Variants in PTDSS1 observed in about 807,000 individuals in gnomAD.
PTDSS1 encodes the protein phosphatidylserine synthase 1.
A neutral mutation model predicts 70.5 loss-of-function variants in PTDSS1; 45 were observed. The ratio of observed to expected loss-of-function variants is 0.64; its 90% confidence interval spans 0.50 to 0.82. The LOEUF is 0.82. Ranked by LOEUF, PTDSS1 falls within the 40% of genes least tolerant of loss-of-function variation. PTDSS1 has a pLI of 0.00. For missense variants in PTDSS1, 417 were observed against 586.1 expected (o/e 0.71, Z 2.98); for synonymous variants, 188 against 203.8 (o/e 0.92, Z 0.66).
At position 96,286,753 on chromosome 8, in the gene PTDSS1, G is replaced by A. The variant is rs143946088; in HGVS notation, c.317-269G>A. 9.5e-4 allele frequency among the ~76,000 whole-genome samples: 144 copies of A among 152,144 alleles called. 3 individuals are homozygous for A. In the East Asian group the frequency reaches 0.026, roughly 27 times the overall value. On this transcript the variant is annotated intron_variant, in intron 3 of 12. Coordinates refer to ENST00000517309, the MANE Select transcript of PTDSS1 (RefSeq NM_014754.3). Reference sequence around the variant, plus strand: ...TGCGTGCAATCCTCACACCCACCCCGCACACCCTTTGCCTCATGATCCTTC... The same window carrying A: ...TGCGTGCAATCCTCACACCCACCCCACACACCCTTTGCCTCATGATCCTTC...
intron 9 of PTDSS1, among the ~76,000 whole-genome samples, chr8:96,316,155 T>G (rs566552971): frequency 7.9e-5 from 12 of 152,294 alleles, no homozygotes; most frequent in African/African-American, 2.6e-4. Flanking sequence ...TTCCTACCAC[T>G]TCTCACCATC....
intron 4 of PTDSS1, chr8:96,287,393 T>C (rs1810839710): frequency 4.3e-6 from 2 of 461,550 alleles, no homozygotes; most frequent in Non-Finnish European, 7.6e-6. Context: ...TCAGACAGCC[T>C]TGGGTGTGAA....
chr8:96,275,094 A>G (rs1180109261), intron 2 of PTDSS1, among the ~76,000 whole-genome samples: 1 of 152,134 alleles, frequency 6.6e-6, no homozygotes, highest in Non-Finnish European at 1.5e-5. Context: ...TGTGCATAAT[A>G]TGGGTAAGTC....
At chr8:96,329,332 TG>T (rs1811480766) in intron 10 of PTDSS1, among the ~76,000 whole-genome samples, 1 of 129,352 alleles carries the variant, frequency 7.7e-6, no homozygotes, top group Admixed American at 8.0e-5. Flanking sequence ...TTGCTTGCAG[TG>T]GGGAAGGTGT....
intron 9 of PTDSS1, among the ~76,000 whole-genome samples, chr8:96,317,773 A>G (rs536432271): frequency 6.6e-6 from 1 of 152,164 alleles, no homozygotes; most frequent in East Asian, 1.9e-4. Flanking sequence ...ACTTTAGGTC[A>G]TTATGAAGCC....
At chr8:96,307,380 C>T (rs1811139814) in intron 8 of PTDSS1, among the ~76,000 whole-genome samples, 1 of 132,292 alleles carries the variant, frequency 7.6e-6, no homozygotes, top group South Asian at 2.4e-4. Context: ...TTGCCAAGGA[C>T]AGTAGATCTA....
intron 9 of PTDSS1, among the ~76,000 whole-genome samples, chr8:96,311,007 C>G (rs1339254675): frequency 6.6e-6 from 1 of 152,098 alleles, no homozygotes; most frequent in African/African-American, 2.4e-5. Flanking sequence ...CCTCGTGATC[C>G]ACCCACCTTC....
chr8:96,309,305 C>T (rs1811172238), intron 8 of PTDSS1: 2 of 358,022 alleles, frequency 5.6e-6, no homozygotes, highest in African/African-American at 4.2e-5. Context: ...TGTAAACACC[C>T]CGGCACTCAG....
chr8:96,275,313 A>G (rs921015401), intron 2 of PTDSS1, among the ~76,000 whole-genome samples: 1 of 152,000 alleles, frequency 6.6e-6, no homozygotes, highest in African/African-American at 2.4e-5. Context: ...ACATCACCAC[A>G]CCCAGCTAAT....
chr8:96,296,277 T>C (rs560564286), intron 5 of PTDSS1, among the ~76,000 whole-genome samples: 1 of 151,048 alleles, frequency 6.6e-6, no homozygotes, highest in East Asian at 2.0e-4. Context: ...TAGCTGGAAC[T>C]ACAGGCGTGT....
chr8:96,264,194 T>C (rs1458470679), intron 1 of PTDSS1, among the ~76,000 whole-genome samples: 1 of 152,232 alleles, frequency 6.6e-6, no homozygotes, highest in Admixed American at 6.5e-5. Flanking sequence ...TTAATAGCTG[T>C]GTGGCCACAT....
In PTDSS1 at chr8:96,316,931, T is replaced by C. The variant is rs1183560441; in HGVS notation, c.1074-3315T>C. 2.6e-5 allele frequency among the ~76,000 whole-genome samples: 4 copies of C among 151,932 alleles called. No individual in the cohort carries two copies. In the South Asian group the frequency reaches 8.3e-4, roughly 32 times the overall value. On this transcript the variant is annotated intron_variant, in intron 9 of 12. Coordinates refer to ENST00000517309, the MANE Select transcript of PTDSS1 (RefSeq NM_014754.3). ...ATCACTTGAACCCAGGAGGTAGAGG[T>C]TGCAGTGAGCTGAGATTGCACCACT... is the stretch of plus-strand genomic sequence containing the variant.
intron 9 of PTDSS1, among the ~76,000 whole-genome samples, chr8:96,313,802 A>G (rs1811246203): frequency 6.6e-6 from 1 of 152,178 alleles, no homozygotes; most frequent in South Asian, 2.1e-4. Flanking sequence ...CTGCTCTCCA[A>G]GGTCAGCTCC....
chr8:96,295,033 C>A, intron 4 of PTDSS1, 65 bp from the exon 5 acceptor site: 2 of 1,449,182 alleles, frequency 1.4e-6, no homozygotes, highest in African/African-American at 1.4e-5. Flanking sequence ...TATTTACCGG[C>A]AGAATCCTGG....
intron 2 of PTDSS1, among the ~76,000 whole-genome samples, chr8:96,276,968 G>GCACACACA (rs1810653140): frequency 2.7e-5 from 3 of 111,724 alleles, no homozygotes; most frequent in African/African-American, 1.1e-4. Context: ...ACATACACGC[G>GCACACACA]CGCACGCGCG....
intron 2 of PTDSS1, among the ~76,000 whole-genome samples, chr8:96,281,636 C>T (rs886240567): frequency 6.6e-6 from 1 of 152,160 alleles, no homozygotes; most frequent in African/African-American, 2.4e-5. Flanking sequence ...ACACTCCTAG[C>T]TTGTTTCTTT....
chr8:96,296,298 C>G (rs1305080918), intron 5 of PTDSS1, among the ~76,000 whole-genome samples: 1 of 152,082 alleles, frequency 6.6e-6, no homozygotes, highest in East Asian at 1.9e-4. Flanking sequence ...GCCACCACGC[C>G]CAGCTAATTT....
At chr8:96,315,624 C>CG (rs1303587229) in intron 9 of PTDSS1, among the ~76,000 whole-genome samples, 1 of 152,110 alleles carries the variant, frequency 6.6e-6, no homozygotes, top group Non-Finnish European at 1.5e-5. Context: ...CTCCACAAGT[C>CG]GGGGGTGCTG....
At chr8:96,275,636 G>A (rs770956827) in intron 2 of PTDSS1, among the ~76,000 whole-genome samples, 8 of 152,254 alleles carry the variant, frequency 5.3e-5, no homozygotes, top group Middle Eastern at 3.4e-3. Flanking sequence ...AGCTCTTTCT[G>A]TACAAAGGTG....
Sources: allele counts gnomAD v4.1 joint callset (sites outside exome capture counted in the v4.1 genomes callset), GRCh38; gene constraint gnomAD v4.1.1; transcripts MANE v1.5; gene names NCBI Gene and HGNC (gene_info 2026-07-23, HGNC 2026-07-21).